ARHGEF28: variants seen among roughly 807,000 people sequenced by gnomAD.
The protein encoded by ARHGEF28 is 190 kDa guanine nucleotide exchange factor.
In ARHGEF28, 152 loss-of-function variants were observed where a neutral mutation model predicts 206.6. That is an observed-to-expected ratio of 0.74 (90% CI 0.64 to 0.84). The LOEUF (loss-of-function observed/expected upper bound fraction) is 0.84. Among genes scored for constraint, ARHGEF28 ranks in the 40% least tolerant of loss-of-function variants. The pLI is 0.00. For synonymous variants in ARHGEF28, 763 were observed against 776.4 expected (o/e 0.98, Z 0.29); for missense variants, 2,028 against 2,073.2 (o/e 0.98, Z 0.42).
At position 73,886,096 on chromosome 5, in the gene ARHGEF28, G is replaced by A. The variant is rs202062593; in HGVS notation, c.3302G>A (p.Arg1101His). The A allele has an allele frequency of 5.8e-5, 93 of 1,611,646 alleles. No individual in the cohort carries two copies. The highest frequency in any genetic ancestry group is 1.0e-4 in the Admixed American group (6 of 59,774). ...GLVYWKTATG[R>H]FKDILALLLT... The stretch of plus-strand genomic sequence containing the variant: ...GTTTACTGGAAAACTGCTACAGGTC[G>A]TTTCAAAGGTACTGTGGCTCTACCA... The change falls in exon 25 of 36, where the codon CGT becomes CAT. Residue 1101 changes from arginine (R) to histidine (H), a missense_variant. Arg to His is a conservative substitution (Grantham distance 29). Around this residue, in one of 3 missense-constraint regions of ARHGEF28, gnomAD observed 803 missense variants for 768.0 expected, o/e 1.05. Coordinates refer to ENST00000513042, the MANE Select transcript of ARHGEF28 (RefSeq NM_001177693.2).
At chr5:73,755,115 T>C (rs988215770) in intron 4 of ARHGEF28, among the ~76,000 whole-genome samples, 1 of 151,548 alleles carries the variant, frequency 6.6e-6, no homozygotes, top group African/African-American at 2.4e-5. Flanking sequence ...ACACCCTTTC[T>C]ATCTCACATA....
chr5:73,731,908 T>A (rs1015619267), intron 2 of ARHGEF28, among the ~76,000 whole-genome samples: 1 of 152,120 alleles, frequency 6.6e-6, no homozygotes, highest in Non-Finnish European at 1.5e-5. Flanking sequence ...AGCACTACAT[T>A]TGGGGTAAAA....
intron 9 of ARHGEF28, among the ~76,000 whole-genome samples, chr5:73,816,609 G>A (rs1448207245): frequency 6.6e-6 from 1 of 152,144 alleles, no homozygotes; most frequent in Non-Finnish European, 1.5e-5. Flanking sequence ...GCAAGGATTT[G>A]GTAACAAGAG....
intron 35 of ARHGEF28, among the ~76,000 whole-genome samples, chr5:73,913,192 C>T (rs1229382416): frequency 1.3e-5 from 2 of 152,142 alleles, no homozygotes; most frequent in Non-Finnish European, 2.9e-5. Flanking sequence ...CCAGAGTAGG[C>T]CAAGGACGCT....
intron 35 of ARHGEF28, among the ~76,000 whole-genome samples, chr5:73,931,737 G>T (rs1032459185): frequency 6.6e-6 from 1 of 152,100 alleles, no homozygotes; most frequent in Non-Finnish European, 1.5e-5. Context: ...ATGGTTTTTG[G>T]AAGTTTTCTT....
At chr5:73,899,508 G>A (rs1762145428) in intron 30 of ARHGEF28, 1 of 152,338 alleles carries the variant, frequency 6.6e-6, no homozygotes, top group African/African-American at 2.4e-5. Context: ...CGGGATTCAG[G>A]TAGAGGAAGT....
intron 11 of ARHGEF28, among the ~76,000 whole-genome samples, chr5:73,842,670 C>G (rs971389503): frequency 6.6e-6 from 1 of 152,118 alleles, no homozygotes; most frequent in African/African-American, 2.4e-5. Context: ...TAAATGCATT[C>G]TAGTGGATCT....
At chr5:73,656,840 G>T (rs1166959037) in intron 1 of ARHGEF28, among the ~76,000 whole-genome samples, 1 of 151,982 alleles carries the variant, frequency 6.6e-6, no homozygotes, top group Non-Finnish European at 1.5e-5. Context: ...ACTTCACTCT[G>T]CTGCAGACAT....
chr5:73,826,331 G>A (rs999527787), intron 9 of ARHGEF28, among the ~76,000 whole-genome samples: 1 of 152,138 alleles, frequency 6.6e-6, no homozygotes, highest in Non-Finnish European at 1.5e-5. Flanking sequence ...CTCAGTGAAC[G>A]TTTCTGCTGT....
chr5:73,909,393 C>T lies in ARHGEF28; in HGVS notation c.4162-19C>T, dbSNP rs1762733436. On this transcript the variant is annotated intron_variant, in intron 33 of 35. Coordinates refer to ENST00000513042, the MANE Select transcript of ARHGEF28 (RefSeq NM_001177693.2). ...TGGAACCTTGTGTTCAGTGATTTTT[C>T]CTCTGTCTGCTCTGACAGGCCGCCT... 2 of 1,571,240 alleles carry T rather than the reference C, an allele frequency of 1.3e-6. No individual in the cohort carries two copies. The highest frequency in any genetic ancestry group is 1.7e-6 in the Non-Finnish European group (2 of 1,154,748).
chr5:73,867,819 C>T (rs1759804025), intron 18 of ARHGEF28, 57 bp from the exon 19 acceptor site: 17 of 1,609,494 alleles, frequency 1.1e-5, no homozygotes, highest in Admixed American at 3.3e-5. Context: ...TAAGTGACTA[C>T]TTTTACTTGT....
intron 24 of ARHGEF28, 133 bp downstream of exon 24, chr5:73,884,017 C>A: frequency 2.2e-6 from 1 of 463,340 alleles, no homozygotes; most frequent in Non-Finnish European, 3.7e-6. Context: ...ACTGTTAAAG[C>A]CTTAGAATTT....
At chr5:73,796,667 C>G (rs1472341313) in intron 9 of ARHGEF28, among the ~76,000 whole-genome samples, 1 of 152,122 alleles carries the variant, frequency 6.6e-6, no homozygotes, top group African/African-American at 2.4e-5. Flanking sequence ...CTGCATGTGG[C>G]CCTACTGAAA....
chr5:73,847,042 A>G (rs1216069279), intron 12 of ARHGEF28, among the ~76,000 whole-genome samples: 2 of 151,736 alleles, frequency 1.3e-5, no homozygotes, highest in Non-Finnish European at 2.9e-5. Context: ...TTATTTATTT[A>G]CTTATTTATT....
At chr5:73,728,872 G>A (rs60287535) in intron 2 of ARHGEF28, among the ~76,000 whole-genome samples, 3,260 of 152,270 alleles carry the variant, frequency 0.021, 114 homozygotes, top group African/African-American at 0.074. Context: ...AAGAAACAAA[G>A]GAAGACTACG....
chr5:73,769,880 G>A (rs1753124565), intron 4 of ARHGEF28, among the ~76,000 whole-genome samples: 1 of 152,168 alleles, frequency 6.6e-6, no homozygotes, highest in South Asian at 2.1e-4. Flanking sequence ...GGAAGATACA[G>A]ATATTTCCCA....
chr5:73,872,524 T>C (rs2112642704), intron 21 of ARHGEF28, among the ~76,000 whole-genome samples: 1 of 152,322 alleles, frequency 6.6e-6, no homozygotes. Flanking sequence ...AGACAGATTC[T>C]GCCATAGAAA....
At chr5:73,867,832 T>C (rs371908130) in intron 18 of ARHGEF28, 44 bp from the exon 19 acceptor site, 1 of 1,612,616 alleles carries the variant, frequency 6.2e-7, no homozygotes, top group African/African-American at 1.3e-5. Context: ...TTACTTGTAA[T>C]TACTGACCTG....
intron 35 of ARHGEF28, among the ~76,000 whole-genome samples, chr5:73,939,830 G>T (rs528511989): frequency 6.6e-6 from 1 of 152,126 alleles, no homozygotes; most frequent in African/African-American, 2.4e-5. Flanking sequence ...AATAATAGAG[G>T]CTTTGAAGAA....
Sources: allele counts gnomAD v4.1 joint callset (sites outside exome capture counted in the v4.1 genomes callset), GRCh38; gene constraint gnomAD v4.1.1; regional missense constraint gnomAD v4.1.1; transcripts MANE v1.5; gene names NCBI Gene and HGNC (gene_info 2026-07-23, HGNC 2026-07-21).